Variants in EML1 observed in about 807,000 individuals in gnomAD.
EML1 encodes the protein echinoderm microtubule-associated protein-like 1.
A neutral mutation model predicts 110.4 loss-of-function variants in EML1; 27 were observed. The ratio of observed to expected loss-of-function variants is 0.24; its 90% CI spans 0.18 to 0.34. The LOEUF (loss-of-function observed/expected upper bound fraction) is 0.34, where lower values mean the gene tolerates loss of function less well. Ranked by LOEUF, EML1 falls within the 10% of genes least tolerant of loss-of-function variation. The pLI, the probability that EML1 is intolerant of heterozygous loss-of-function variation, is 1.00. For missense variants in EML1, 741 were observed against 1,030.9 expected (o/e 0.72, Z 3.85); for synonymous variants, 344 against 385.8 (o/e 0.89, Z 1.27).
At chr14:99,928,729 C>T (rs1038246373) in intron 17 of EML1, among the ~76,000 whole-genome samples, 1 of 152,102 alleles carries the variant, frequency 6.6e-6, no homozygotes, top group Non-Finnish European at 1.5e-5. Flanking sequence ...CACAGTGGGA[C>T]GTGTCCTCGA....
At chr14:99,770,881 T>C (rs1380493755), upstream of EML1, among the ~76,000 whole-genome samples, 1 of 143,784 alleles carries the variant, frequency 7.0e-6, no homozygotes, top group Non-Finnish European at 1.5e-5. Flanking sequence ...GCCTCCCGGG[T>C]TCACGCCATT....
At chr14:99,811,700 A>G (rs1319488427) in intron 1 of EML1, among the ~76,000 whole-genome samples, 1 of 150,910 alleles carries the variant, frequency 6.6e-6, no homozygotes, top group African/African-American at 2.4e-5. Flanking sequence ...AGTCCCAGCT[A>G]CTTAAGAGGC....
At chr14:99,795,828 G>A (rs2139669888) in intron 1 of EML1, among the ~76,000 whole-genome samples, 1 of 152,238 alleles carries the variant, frequency 6.6e-6, no homozygotes, top group African/African-American at 2.4e-5. Flanking sequence ...GCTGTTAATA[G>A]TGACAGAAAC....
At chr14:99,813,796 T>C (rs1249396525) in intron 1 of EML1, among the ~76,000 whole-genome samples, 2 of 152,234 alleles carry the variant, frequency 1.3e-5, no homozygotes, top group African/African-American at 4.8e-5. Flanking sequence ...TAGCTAGTTA[T>C]CAACAATTTC....
chr14:99,743,486 C>G (rs1269446878), intron 1 of EML1, among the ~76,000 whole-genome samples: 1 of 152,172 alleles, frequency 6.6e-6, no homozygotes, highest in African/African-American at 2.4e-5. Context: ...CTGGATCCTT[C>G]AGTACTGTGC....
At chr14:99,763,644 G>A in intron 1 of EML1, among the ~76,000 whole-genome samples, 1 of 152,160 alleles carries the variant, frequency 6.6e-6, no homozygotes, top group East Asian at 1.9e-4. Context: ...CAATGAGCTT[G>A]TGGTCTTCGT....
chr14:99,859,106 G>A (rs1416801043), intron 2 of EML1, among the ~76,000 whole-genome samples: 1 of 152,126 alleles, frequency 6.6e-6, no homozygotes. Flanking sequence ...TATTATCATG[G>A]ATAGTGCTTT....
chr14:99,878,439 A>G, intron 3 of EML1, 46 bp from the exon 4 acceptor site: 2 of 1,557,420 alleles, frequency 1.3e-6, no homozygotes, highest in Non-Finnish European at 1.7e-6. Flanking sequence ...AATAAAATAA[A>G]GTCACGATAT....
chr14:99,759,666 G>A (rs1052758929), intron 1 of EML1, among the ~76,000 whole-genome samples: 3 of 152,226 alleles, frequency 2.0e-5, no homozygotes, highest in East Asian at 1.9e-4. Context: ...TGGCAGCTCC[G>A]AGGTGGCATT....
intron 1 of EML1, among the ~76,000 whole-genome samples, chr14:99,797,122 G>A (rs1228386824): frequency 6.6e-6 from 1 of 152,010 alleles, no homozygotes; most frequent in Non-Finnish European, 1.5e-5. Flanking sequence ...TTCCCCCATC[G>A]CCCTCACCCC....
chr14:99,897,242 G>A lies in EML1; in HGVS notation c.775G>A (p.Val259Met). ...FIASVVVLYNVEEQLQRHYAG... is the reference protein window; with the variant it reads ...FIASVVVLYNMEEQLQRHYAG... The stretch of plus-strand genomic sequence containing the variant: ...CGCATCCGTGGTGGTGTTATACAAC[G>A]TGGAGGAGCAACTGCAGAGGCATTA... Residue 259 changes from valine to methionine, a missense_variant, in exon 7 of 22, where the codon GTG (valine) becomes ATG (methionine). Val to Met is a conservative substitution (Grantham distance 21, BLOSUM62 1). Coordinates refer to ENST00000262233, the MANE Select transcript of EML1 (RefSeq NM_004434.3). The A allele has an allele frequency of 1.9e-6, 3 of 1,613,058 alleles. No homozygotes were observed. The highest frequency in any genetic ancestry group is 2.5e-6 in the Non-Finnish European group (3 of 1,179,608).
At chr14:99,920,667 T>G in intron 16 of EML1, 122 bp from the exon 17 acceptor site, 1 of 756,632 alleles carries the variant, frequency 1.3e-6, no homozygotes. Flanking sequence ...AGCTTTCTTA[T>G]TAAGCAAATT....
chr14:99,833,839 A>G (rs183307426), intron 1 of EML1, among the ~76,000 whole-genome samples: 254 of 152,326 alleles, frequency 1.7e-3, no homozygotes, highest in African/African-American at 5.8e-3. Context: ...TTGATCTTCT[A>G]TCCTGAAACC....
intron 11 of EML1, 22 bp from the exon 12 acceptor site, chr14:99,910,220 A>AT (rs1383977811): frequency 7.9e-6 from 12 of 1,521,418 alleles, no homozygotes; most frequent in South Asian, 3.6e-5. Context: ...TATATATATA[A>AT]TTTTTTTACT....
At chr14:99,793,003 C>A (rs1266733362), upstream of EML1, 1 of 152,078 alleles carries the variant, frequency 6.6e-6, no homozygotes, top group East Asian at 1.9e-4. Flanking sequence ...GGAGGTTACC[C>A]CGGGCCCCAC....
intron 1 of EML1, among the ~76,000 whole-genome samples, chr14:99,782,602 T>G (rs1380651257): frequency 6.6e-6 from 1 of 152,150 alleles, no homozygotes; most frequent in Non-Finnish European, 1.5e-5. Flanking sequence ...GTGAGGGAGA[T>G]AGGGGAGCAA....
chr14:99,914,235 C>T lies in EML1; in HGVS notation c.1551C>T (p.Ile517=). ...TGGCCGAGGGGAAAGGCGATGTGAT[C>T]TTGATTGGCACAACTCGAAACTTTG... ...RTVAEGKGDV[I]LIGTTRNFVL... is the part of the protein sequence containing the mutation. The change falls in exon 14 of 22, where the codon ATC becomes ATT. Residue 517 remains isoleucine, a synonymous_variant. Coordinates refer to ENST00000262233, the MANE Select transcript of EML1 (RefSeq NM_004434.3). The T allele has an allele frequency of 1.2e-6, 2 of 1,614,016 alleles. No homozygotes were observed. The highest frequency in any genetic ancestry group is 1.7e-6 in the Non-Finnish European group (2 of 1,179,926).
intron 3 of EML1, among the ~76,000 whole-genome samples, chr14:99,866,585 A>AT (rs2059106172): frequency 2.3e-5 from 2 of 87,862 alleles, no homozygotes; most frequent in Admixed American, 2.1e-4. Flanking sequence ...AAAAAAAAAA[A>AT]AAAAAAAAAA....
rs534339938 is a variant in EML1 at position 99,904,588 on chromosome 14, T to G, written c.1009-3050T>G. On this transcript the variant is annotated intron_variant, in intron 9 of 21. Transcript: ENST00000262233. ...ACCAATTAATCAAAGCTCTTTCATA[T>G]ATAAACATCACACACATAATACATG... is the stretch of plus-strand genomic sequence containing the variant. Among the ~76,000 whole-genome samples, 3 of 152,344 alleles carry G rather than the reference T, an allele frequency of 2.0e-5. No individual in the cohort carries two copies. In the South Asian group the frequency reaches 6.2e-4, roughly 32 times the overall value.
Sources: gnomAD v4.1 joint callset for allele counts (sites outside exome capture counted in the v4.1 genomes callset) on GRCh38, gnomAD v4.1.1 for gene constraint, MANE v1.5 for transcripts, NCBI Gene and HGNC (gene_info 2026-07-23, HGNC 2026-07-21) for gene names.